The following CFAP46 variants were observed in gnomAD, a reference collection of about 807,000 sequenced individuals.
CFAP46 encodes the protein cilia- and flagella-associated protein 46.
Under a neutral mutation model 325.7 loss-of-function variants are expected in CFAP46, and 245 were observed. The observed-to-expected ratio is 0.75, with a 90% confidence interval of 0.68 to 0.84. CFAP46 has a LOEUF of 0.84. Among genes scored for constraint, CFAP46 ranks in the 40% least tolerant of loss-of-function variants. The pLI, the probability that CFAP46 is intolerant of heterozygous loss-of-function variation, is 0.00. For synonymous variants in CFAP46, 1,523 were observed against 1,495.9 expected (o/e 1.02, Z -0.42); for missense variants, 3,346 against 3,543.0 (o/e 0.94, Z 1.41).
rs770050239 is a variant in CFAP46, at chr10:132,867,490, G to A, written c.4628C>T (p.Ala1543Val). ...CTCCTTATTTTTCTCTTTTTTCAACGCGATCTCTTTTCTGCAGCTAATGCG... is the reference window on the plus strand; with the variant it reads ...CTCCTTATTTTTCTCTTTTTTCAACACGATCTCTTTTCTGCAGCTAATGCG... ...LEQASCRKEI[A>V]LKKEKNKEPL... is the part of the protein sequence containing the mutation. The change falls in exon 34 of 58, where the codon GCG becomes GTG. Residue 1543 changes from alanine to valine, a missense_variant. Physicochemically the swap from Ala to Val is moderately conservative, Grantham distance 64 (BLOSUM62 0). Coordinates refer to ENST00000368586, the MANE Select transcript of CFAP46 (RefSeq NM_001200049.3). The A allele has an allele frequency of 1.5e-5, 24 of 1,549,876 alleles. No individual in the cohort carries two copies. The highest frequency in any genetic ancestry group is 2.7e-5 in the African/African-American group (2 of 72,920).
intron 21 of CFAP46, among the ~76,000 whole-genome samples, 156 bp downstream of exon 21, chr10:132,908,981 G>A (rs778579389): frequency 9.2e-5 from 14 of 152,198 alleles, no homozygotes; most frequent in African/African-American, 2.4e-4. Context: ...AAGGAAGTGC[G>A]TCGAGGGGGC....
At chr10:132,875,946 T>C (rs1848952243) in intron 31 of CFAP46, among the ~76,000 whole-genome samples, 1 of 152,172 alleles carries the variant, frequency 6.6e-6, no homozygotes, top group Admixed American at 6.5e-5. Context: ...AGGCACAAAG[T>C]GGAGGCAGAT....
Position 132,922,685 on chromosome 10 carries a change from T to C in CFAP46, c.1280A>G (p.Gln427Arg), listed in dbSNP as rs1324776418. The C allele has an allele frequency of 6.5e-7, 1 of 1,549,204 alleles. No homozygotes were observed. The highest frequency in any genetic ancestry group is 8.7e-7 in the Non-Finnish European group (1 of 1,146,186). The part of the protein sequence containing the change: ...LDSLMTLLRC[Q>R]VHMEMAQIEE... ...GATCTGCGCCATCTCCATGTGCACT[T>C]GACAGCGGAGAAGCGTCATGAGGCT... Residue 427 changes from glutamine (Q) to arginine (R), a missense_variant, in exon 12 of 58, where the codon CAA becomes CGA. By Grantham distance (43) the Gln-to-Arg change is conservative. Coordinates refer to ENST00000368586, the MANE Select transcript of CFAP46 (RefSeq NM_001200049.3).
rs1476818262 is a variant in CFAP46, at chr10:132,879,577, T to G, written c.3854A>C (p.Glu1285Ala). The change falls in exon 29 of 58, where the codon GAG (glutamate) becomes GCG (alanine). Residue 1285 changes from glutamate to alanine, a missense_variant. Physicochemically the swap from Glu to Ala is moderately radical, Grantham distance 107. Coordinates refer to ENST00000368586, the MANE Select transcript of CFAP46 (RefSeq NM_001200049.3). The part of the protein sequence containing the change: ...PPRSPVSEAE[E>A]AVSLEQLRSV... ...ACGCAGCTGCTCCAAGGACACCGCC[T>G]CCTCGGCCTCGGACACGGGGCTCCG... is the stretch of plus-strand genomic sequence containing the variant. The G allele has an allele frequency of 1.3e-6, 2 of 1,546,634 alleles. No individual in the cohort carries two copies. The highest frequency in any genetic ancestry group is 4.9e-5 in the East Asian group (2 of 40,848).
rs370893254 is a variant in CFAP46 at position 132,814,932 on chromosome 10, G to C, written c.7118-18C>G. The stretch of plus-strand genomic sequence containing the variant: ...GCCACCTTCTGTTGAAGACAAGAAA[G>C]AGGCAGGGATGTTTGGCAGCAGCTC... On this transcript the variant is annotated intron_variant, in intron 50 of 57. Coordinates refer to ENST00000368586, the MANE Select transcript of CFAP46 (RefSeq NM_001200049.3). 3.1e-6 allele frequency: 5 copies of C among 1,613,794 alleles called. No homozygotes were observed. Among genetic ancestry groups the C allele is most frequent in the Non-Finnish European group, 4.2e-6 (5 of 1,179,706 alleles).
rs1186358396 is a variant in CFAP46 at position 132,913,062 on chromosome 10, C to T, written c.2317G>A (p.Ala773Thr). Residue 773 changes from alanine to threonine, a missense_variant, in exon 18 of 58, where the codon GCC becomes ACC. Coordinates refer to ENST00000368586, the MANE Select transcript of CFAP46 (RefSeq NM_001200049.3). ...ALYHLLSIVK[A>T]TGHSGDPVML... is the part of the protein sequence containing the mutation. ...CACACGCACCCACTGTGGCCTGTGG[C>T]CTTAACGATGCTCAGGAGGTGGTAC... The T allele has an allele frequency of 2.6e-6, 4 of 1,549,952 alleles. No individual in the cohort carries two copies. The highest frequency in any genetic ancestry group is 1.4e-5 in the African/African-American group (1 of 73,064).
Position 132,924,814 on chromosome 10 carries a change from T to C in CFAP46, c.1138A>G (p.Ile380Val), listed in dbSNP as rs1484939549. 25 of 1,484,110 alleles carry C rather than the reference T, an allele frequency of 1.7e-5. No individual in the cohort carries two copies. Among genetic ancestry groups the C allele is most frequent in the Middle Eastern group, 1.8e-4 (1 of 5,696 alleles). The allele number at this position is 1,484,110 out of a possible 1,614,324, so 91.9% of individuals were successfully genotyped here. Residue 380 changes from isoleucine to valine, a missense_variant, in exon 11 of 58, where the codon ATC (isoleucine) becomes GTC (valine). Physicochemically the swap from Ile to Val is conservative, Grantham distance 29. Transcript: ENST00000368586. ...CACTGCGTGGCGCACACCACGTGGA[T>C]GACCCGGGGGTCGCCCAGGCGCACG... is the stretch of plus-strand genomic sequence containing the variant. ...RAVRLGDPRV[I>V]HVVCATQWNT...
chr10:132,845,262 C>T (rs897464618), intron 44 of CFAP46, among the ~76,000 whole-genome samples: 10 of 152,338 alleles, frequency 6.6e-5, no homozygotes, highest in Admixed American at 4.6e-4. Flanking sequence ...TTCAGAAGGA[C>T]GGCAGCTTTC....
At position 132,861,000 on chromosome 10, in the gene CFAP46, A is replaced by C; in HGVS notation, c.4891-18T>G. 1.3e-6 allele frequency: 2 copies of C among 1,550,134 alleles called. No homozygotes were observed. The highest frequency in any genetic ancestry group is 1.7e-6 in the Non-Finnish European group (2 of 1,146,820). ...TCCAGCTCCTGAAGGAGAGAAACTC[A>C]GACATGCTTGGGTTCCTCTACAGAT... On this transcript the variant is annotated intron_variant, in intron 35 of 57. Coordinates refer to ENST00000368586, the MANE Select transcript of CFAP46 (RefSeq NM_001200049.3).
intron 50 of CFAP46, among the ~76,000 whole-genome samples, chr10:132,823,191 GAT>G (rs1175077426): frequency 7.0e-6 from 1 of 143,366 alleles, no homozygotes; most frequent in Non-Finnish European, 1.5e-5. Flanking sequence ...GCTGTGTGCT[GAT>G]GTGTGCTGTG....
rs569675903 is a variant in CFAP46, at chr10:132,882,154, G to A, written c.3628-1122C>T. On this transcript the variant is annotated intron_variant, in intron 27 of 57. Transcript: ENST00000368586. ...GGTGTGAGTGGTGTGTGTGGGATGT[G>A]GGGTGTGAGTGGTGTGTGTGGGATG... Among the ~76,000 whole-genome samples the A allele has an allele frequency of 4.0e-5, 6 of 150,480 alleles. No individual in the cohort carries two copies. In the South Asian group the frequency reaches 1.3e-3, roughly 32 times the overall value.
intron 57 of CFAP46, among the ~76,000 whole-genome samples, chr10:132,809,604 T>C (rs1347346725): frequency 2.0e-5 from 3 of 152,142 alleles, no homozygotes; most frequent in Admixed American, 1.3e-4. Flanking sequence ...GAAGCCTTCT[T>C]AGTCAGGGCA....
chr10:132,936,703 C>T (rs1850013848), intron 7 of CFAP46, among the ~76,000 whole-genome samples: 1 of 152,274 alleles, frequency 6.6e-6, no homozygotes, highest in Non-Finnish European at 1.5e-5. Context: ...CTGCACTTGG[C>T]TTAAAGCCGC....
rs747701487 is a variant in CFAP46 at position 132,869,384 on chromosome 10, G to A, written c.4512-12C>T. The A allele has an allele frequency of 3.3e-6, 5 of 1,516,440 alleles. No homozygotes were observed. The highest frequency in any genetic ancestry group is 1.4e-5 in the African/African-American group (1 of 72,334). The allele number at this position is 1,516,440 out of a possible 1,614,324, so 93.9% of individuals were successfully genotyped here. On this transcript the variant is annotated splice_polypyrimidine_tract_variant and intron_variant, in intron 32 of 57. Coordinates refer to ENST00000368586, the MANE Select transcript of CFAP46 (RefSeq NM_001200049.3). This position sits in a 1 kb window ranked among gnomAD's most constrained non-coding sequence, Gnocchi z 6.2. ...ACGCGTGGGCGAGGCTGTGGGGAGT[G>A]TGGCCGAAAGAGTCAGTGTTGCACG...
intron 35 of CFAP46, 140 bp downstream of exon 35, chr10:132,865,885 G>A (rs965557627): frequency 2.5e-6 from 2 of 790,098 alleles, no homozygotes; most frequent in Non-Finnish European, 1.8e-6. Flanking sequence ...TTCCCGCAGA[G>A]AGCTGGACCC....
At chr10:132,814,012 G>A in intron 54 of CFAP46, 140 bp downstream of exon 54, 1 of 659,646 alleles carries the variant, frequency 1.5e-6, no homozygotes, top group Non-Finnish European at 2.7e-6. Flanking sequence ...CAAGGAGCTG[G>A]GTCTGTCTCA....
At chr10:132,908,993 C>T in intron 21 of CFAP46, 144 bp downstream of exon 21, 1 of 639,120 alleles carries the variant, frequency 1.6e-6, no homozygotes, top group Non-Finnish European at 2.7e-6. Flanking sequence ...CGAGGGGGCG[C>T]AGCTCCGTTG....
intron 44 of CFAP46, among the ~76,000 whole-genome samples, chr10:132,837,448 C>T (rs538274179): frequency 3.3e-5 from 5 of 150,480 alleles, no homozygotes; most frequent in Non-Finnish European, 5.9e-5. Flanking sequence ...CGTGCATAGA[C>T]GTGCTCACGC....
intron 22 of CFAP46, among the ~76,000 whole-genome samples, chr10:132,901,562 T>C (rs975435148): frequency 1.3e-5 from 2 of 152,240 alleles, no homozygotes; most frequent in African/African-American, 2.4e-5. Context: ...TCGCTGCCTC[T>C]CAGCCCGCCC....
Sources: allele counts gnomAD v4.1 joint callset (sites outside exome capture counted in the v4.1 genomes callset), GRCh38; gene constraint gnomAD v4.1.1; non-coding constraint Gnocchi (gnomAD v3.1); transcripts MANE v1.5; gene names NCBI Gene and HGNC (gene_info 2026-07-23, HGNC 2026-07-21).